TRIM44: variants seen among roughly 807,000 people sequenced by gnomAD.
The protein encoded by TRIM44 is tripartite motif containing 44, also known as tripartite motif-containing protein 44.
In TRIM44, 13 loss-of-function variants were observed where a neutral mutation model predicts 37.4. That is an observed-to-expected ratio of 0.35 (90% CI 0.23 to 0.55). The LOEUF (loss-of-function observed/expected upper bound fraction) is 0.55. Ranked by LOEUF, TRIM44 falls within the 20% of genes least tolerant of loss-of-function variation. The pLI is 0.89. For missense variants in TRIM44, 426 were observed against 437.2 expected (o/e 0.97, Z 0.23); for synonymous variants, 175 against 157.2 (o/e 1.11, Z -0.85).
At chr11:35,737,661 C>A (rs1852342326) in intron 4 of TRIM44, among the ~76,000 whole-genome samples, 1 of 152,102 alleles carries the variant, frequency 6.6e-6, no homozygotes, top group Non-Finnish European at 1.5e-5. Context: ...CATGGTGAAA[C>A]CCTCTCTCTA....
chr11:35,678,800 A>C (rs1478570636), intron 1 of TRIM44, among the ~76,000 whole-genome samples: 1 of 152,032 alleles, frequency 6.6e-6, no homozygotes, highest in African/African-American at 2.4e-5. Flanking sequence ...GGGTTTCTCC[A>C]TCTTGGCCAG....
chr11:35,728,300 C>T (rs1048859908), intron 3 of TRIM44, among the ~76,000 whole-genome samples: 4 of 152,048 alleles, frequency 2.6e-5, no homozygotes, highest in Non-Finnish European at 5.9e-5. Flanking sequence ...GCACCCCAGC[C>T]TGGGAGACAG....
intron 3 of TRIM44, among the ~76,000 whole-genome samples, chr11:35,734,014 G>A (rs1852298856): frequency 6.6e-6 from 1 of 152,182 alleles, no homozygotes; most frequent in Non-Finnish European, 1.5e-5. Context: ...TTCTCCAGGA[G>A]AGGCAGTGTT....
chr11:35,781,035 A>G (rs1194162344), intron 4 of TRIM44, among the ~76,000 whole-genome samples: 1 of 152,188 alleles, frequency 6.6e-6, no homozygotes, highest in Admixed American at 6.5e-5. Context: ...CATGTGAGAA[A>G]GCAAGTGAAA....
At chr11:35,695,910 A>G (rs1332250766) in intron 2 of TRIM44, among the ~76,000 whole-genome samples, 2 of 150,086 alleles carry the variant, frequency 1.3e-5, no homozygotes, top group African/African-American at 2.5e-5. Flanking sequence ...TTTTTTGACA[A>G]TGCTTCCCAT....
chr11:35,717,784 C>T (rs990810849), intron 2 of TRIM44, among the ~76,000 whole-genome samples: 7 of 151,952 alleles, frequency 4.6e-5, no homozygotes, highest in Admixed American at 3.9e-4. Context: ...GTCATACCAA[C>T]CAGCTGTGTG....
intron 2 of TRIM44, among the ~76,000 whole-genome samples, chr11:35,708,985 C>G (rs1851929725): frequency 7.1e-6 from 1 of 141,746 alleles, no homozygotes; most frequent in Admixed American, 6.9e-5. Flanking sequence ...TTGCCATGCC[C>G]CCCCCCCAAA....
At chr11:35,730,379 A>C (rs1055181877) in intron 3 of TRIM44, among the ~76,000 whole-genome samples, 6 of 152,240 alleles carry the variant, frequency 3.9e-5, no homozygotes, top group South Asian at 4.1e-4. Flanking sequence ...ACATGTCACC[A>C]GTGTCAAGAG....
At chr11:35,703,114 AT>A (rs1359174433) in intron 2 of TRIM44, among the ~76,000 whole-genome samples, 2 of 152,334 alleles carry the variant, frequency 1.3e-5, no homozygotes, top group Non-Finnish European at 2.9e-5. Context: ...TATCCCGCAC[AT>A]GGCTCGGAGG....
intron 4 of TRIM44, among the ~76,000 whole-genome samples, chr11:35,781,253 TTAATG>T (rs909134103): frequency 3.3e-5 from 5 of 152,210 alleles, no homozygotes; most frequent in African/African-American, 1.2e-4. Context: ...GCCTTTTTTT[TTAATG>T]TAATGTGCAT....
chr11:35,681,169 T>G (rs1238800135), intron 1 of TRIM44, among the ~76,000 whole-genome samples: 1 of 152,230 alleles, frequency 6.6e-6, no homozygotes, highest in African/African-American at 2.4e-5. Context: ...AGTTATTGTA[T>G]TACTGTGAAA....
chr11:35,770,002 TC>T (rs1357300557), intron 4 of TRIM44, among the ~76,000 whole-genome samples: 1 of 152,190 alleles, frequency 6.6e-6, no homozygotes, highest in African/African-American at 2.4e-5. Flanking sequence ...GTACAATTGA[TC>T]CTATCACCCA....
At chr11:35,773,889 G>A (rs1044354337) in intron 4 of TRIM44, among the ~76,000 whole-genome samples, 2 of 152,152 alleles carry the variant, frequency 1.3e-5, no homozygotes, top group Non-Finnish European at 1.5e-5. Context: ...CATTTGGGTT[G>A]GTTCCAAGTC....
intron 3 of TRIM44, among the ~76,000 whole-genome samples, 189 bp downstream of exon 3, chr11:35,726,352 A>G (rs898757403): frequency 1.3e-5 from 2 of 152,166 alleles, no homozygotes; most frequent in Admixed American, 1.3e-4. Flanking sequence ...GGGCCTACCA[A>G]ATTATTTATC....
chr11:35,742,757 G>A (rs887312021), intron 4 of TRIM44, among the ~76,000 whole-genome samples: 10 of 127,114 alleles, frequency 7.9e-5, no homozygotes, highest in Non-Finnish European at 1.4e-4. Flanking sequence ...AATGTTATAT[G>A]TTATGTATTA....
At chr11:35,799,109 C>T (rs1233674175) in intron 4 of TRIM44, among the ~76,000 whole-genome samples, 1 of 152,240 alleles carries the variant, frequency 6.6e-6, no homozygotes, top group Admixed American at 6.5e-5. Flanking sequence ...GGGACACTGG[C>T]AACCTACAAG....
chr11:35,671,904 T>C (rs1348094146), intron 1 of TRIM44, among the ~76,000 whole-genome samples: 4 of 152,240 alleles, frequency 2.6e-5, no homozygotes, highest in African/African-American at 4.8e-5. Context: ...AAAATAGTTA[T>C]GCAGCCCAAT....
chr11:35,717,280 G>A (rs1202572513), intron 2 of TRIM44, among the ~76,000 whole-genome samples: 1 of 152,206 alleles, frequency 6.6e-6, no homozygotes, highest in Non-Finnish European at 1.5e-5. Flanking sequence ...ACTAAGGGGT[G>A]TCAATATGCT....
At chr11:35,758,823 T>C (rs965506934) in intron 4 of TRIM44, among the ~76,000 whole-genome samples, 4 of 152,258 alleles carry the variant, frequency 2.6e-5, no homozygotes, top group Non-Finnish European at 5.9e-5. Flanking sequence ...TGTTGAGTAT[T>C]GGCCCCCACT....
Sources: allele counts gnomAD v4.1 joint callset (sites outside exome capture counted in the v4.1 genomes callset), GRCh38; gene constraint gnomAD v4.1.1; transcripts MANE v1.5; gene names NCBI Gene and HGNC (gene_info 2026-07-23, HGNC 2026-07-21).